The following KCNQ5 variants were observed in gnomAD, a reference collection of about 807,000 sequenced individuals.
KCNQ5 encodes the protein potassium voltage-gated channel subfamily KQT member 5.
KCNQ5 carries 30 observed loss-of-function variants against 98.2 expected under a neutral mutation model. The observed-to-expected ratio is 0.31, with a 90% CI of 0.23 to 0.41. KCNQ5 has a LOEUF of 0.41. Ranked by LOEUF, KCNQ5 falls within the 10% of genes least tolerant of loss-of-function variation. The pLI, the probability that KCNQ5 is intolerant of heterozygous loss-of-function variation, is 1.00. For synonymous variants in KCNQ5, 458 were observed against 449.4 expected (o/e 1.02, Z -0.24); for missense variants, 835 against 1,182.5 (o/e 0.71, Z 4.31).
At chr6:72,935,619 A>G (rs983050428) in intron 1 of KCNQ5, among the ~76,000 whole-genome samples, 1 of 152,044 alleles carries the variant, frequency 6.6e-6, no homozygotes, top group South Asian at 2.1e-4. Flanking sequence ...TCCCTTTAAA[A>G]ACAAAACAAA....
At chr6:73,014,031 T>C (rs1770201667) in intron 2 of KCNQ5, among the ~76,000 whole-genome samples, 1 of 152,148 alleles carries the variant, frequency 6.6e-6, no homozygotes, top group Admixed American at 6.6e-5. Context: ...CTAGCCCCAG[T>C]TCACTTTGCT....
At chr6:72,857,573 A>T (rs1777585794) in intron 1 of KCNQ5, among the ~76,000 whole-genome samples, 1 of 152,218 alleles carries the variant, frequency 6.6e-6, no homozygotes, top group Admixed American at 6.5e-5. Flanking sequence ...TTTGTGATTA[A>T]GCATAAAACT....
chr6:72,847,135 A>G (rs918315104), intron 1 of KCNQ5, among the ~76,000 whole-genome samples: 1 of 152,112 alleles, frequency 6.6e-6, no homozygotes, highest in African/African-American at 2.4e-5. Flanking sequence ...TAAATTAAAA[A>G]AAAATTCCCT....
intron 3 of KCNQ5, among the ~76,000 whole-genome samples, chr6:73,043,847 G>A (rs190452241): frequency 1.3e-4 from 20 of 152,270 alleles, no homozygotes; most frequent in East Asian, 7.7e-4. Context: ...TTTCAGCTAC[G>A]GATACATCAA....
intron 1 of KCNQ5, among the ~76,000 whole-genome samples, chr6:72,810,800 T>C (rs1428093835): frequency 3.3e-5 from 5 of 152,170 alleles, no homozygotes; most frequent in Non-Finnish European, 7.4e-5. Context: ...CTCTGAAACA[T>C]AGACATGTGT....
At position 73,133,492 on chromosome 6, in the gene KCNQ5, C is replaced by G. The variant is rs752049226; in HGVS notation, c.1319C>G (p.Ala440Gly). 1 of 1,614,144 alleles carries G rather than the reference C, an allele frequency of 6.2e-7. No individual in the cohort carries two copies. The highest frequency in any genetic ancestry group is 1.1e-5 in the South Asian group (1 of 91,082). Residue 440 changes from alanine to glycine, a missense_variant, in exon 10 of 14, where the codon GCC (alanine) becomes GGC (glycine). Transcript: ENST00000370398. ...PRGQSIKSRQ[A>G]SVGDRRSPST... ...GGCCAGAGTATTAAGAGCCGACAAG[C>G]CTCAGTAGGTGACAGGAGGTCCCCA... is the stretch of plus-strand genomic sequence containing the variant.
chr6:73,122,552 G>A (rs1775788205), intron 8 of KCNQ5, among the ~76,000 whole-genome samples: 1 of 152,056 alleles, frequency 6.6e-6, no homozygotes, highest in Non-Finnish European at 1.5e-5. Flanking sequence ...TGAACCATGG[G>A]GCTCAGCTCC....
At chr6:73,051,490 G>A (rs1772232328) in intron 3 of KCNQ5, among the ~76,000 whole-genome samples, 1 of 152,142 alleles carries the variant, frequency 6.6e-6, no homozygotes, top group African/African-American at 2.4e-5. Flanking sequence ...CAGAGGTGCA[G>A]GAACACCTTA....
intron 1 of KCNQ5, among the ~76,000 whole-genome samples, chr6:72,736,745 C>T (rs866403719): frequency 6.6e-6 from 1 of 151,500 alleles, no homozygotes; most frequent in Middle Eastern, 3.4e-3. Flanking sequence ...GTGATCCGCC[C>T]GCCTCGGCCT....
At chr6:73,180,330 T>A (rs1778363975) in intron 11 of KCNQ5, among the ~76,000 whole-genome samples, 2 of 152,216 alleles carry the variant, frequency 1.3e-5, no homozygotes, top group South Asian at 2.1e-4. Context: ...AATGAATGAA[T>A]CAGTCACTTT....
At chr6:72,833,514 T>C (rs1776375589) in intron 1 of KCNQ5, among the ~76,000 whole-genome samples, 1 of 152,200 alleles carries the variant, frequency 6.6e-6, no homozygotes, top group Non-Finnish European at 1.5e-5. Flanking sequence ...GAAATATTTC[T>C]TACCTGAAAA....
At chr6:73,184,229 C>A (rs1778494297) in intron 11 of KCNQ5, among the ~76,000 whole-genome samples, 1 of 152,158 alleles carries the variant, frequency 6.6e-6, no homozygotes, top group Non-Finnish European at 1.5e-5. Context: ...TTTGTGTGAT[C>A]CTAATTACGT....
chr6:73,028,461 T>C (rs1182778074), intron 2 of KCNQ5, among the ~76,000 whole-genome samples: 2 of 152,198 alleles, frequency 1.3e-5, no homozygotes, highest in African/African-American at 4.8e-5. Context: ...TCCTTGTTCC[T>C]TTTTCCTTCA....
intron 1 of KCNQ5, among the ~76,000 whole-genome samples, chr6:72,917,240 G>T (rs1158902772): frequency 1.3e-5 from 2 of 152,054 alleles, no homozygotes; most frequent in Non-Finnish European, 1.5e-5. Context: ...TCTTGAGAAA[G>T]CATTAAGCCA....
chr6:73,136,788 T>C (rs1236918536), intron 10 of KCNQ5: 1 of 152,250 alleles, frequency 6.6e-6, no homozygotes, highest in Non-Finnish European at 1.5e-5. Context: ...ACTTCAGTTA[T>C]ACATCTTTAC....
At chr6:72,665,167 G>A (rs548053566) in intron 1 of KCNQ5, among the ~76,000 whole-genome samples, 6 of 152,062 alleles carry the variant, frequency 3.9e-5, no homozygotes, top group South Asian at 2.1e-4. Flanking sequence ...GGCCAACGTG[G>A]TGAAACCCTG....
chr6:72,837,696 A>C (rs1183795388), intron 1 of KCNQ5, among the ~76,000 whole-genome samples: 1 of 152,170 alleles, frequency 6.6e-6, no homozygotes, highest in African/African-American at 2.4e-5. Flanking sequence ...AGATATTCAT[A>C]TATCATGGAA....
At chr6:73,086,845 G>C (rs1171780107) in intron 5 of KCNQ5, among the ~76,000 whole-genome samples, 1 of 152,170 alleles carries the variant, frequency 6.6e-6, no homozygotes, top group East Asian at 1.9e-4. Flanking sequence ...TCCAATGAGG[G>C]AGTATTTTGG....
At chr6:72,834,236 G>A (rs1171125931) in intron 1 of KCNQ5, among the ~76,000 whole-genome samples, 1 of 152,044 alleles carries the variant, frequency 6.6e-6, no homozygotes, top group African/African-American at 2.4e-5. Context: ...AGAAAAAAAA[G>A]ACTTTCATTA....
Sources: gnomAD v4.1 joint callset for allele counts (sites outside exome capture counted in the v4.1 genomes callset) on GRCh38, gnomAD v4.1.1 for gene constraint, MANE v1.5 for transcripts, NCBI Gene and HGNC (gene_info 2026-07-23, HGNC 2026-07-21) for gene names.